The following ZNF774 variants were observed in gnomAD, a reference collection of about 807,000 sequenced individuals.
ZNF774 encodes the protein zinc finger protein 774.
Under a neutral mutation model 11.1 loss-of-function variants are expected in ZNF774, and 14 were observed. That is an observed-to-expected ratio of 1.26 (90% CI 0.83 to 1.97). ZNF774 has a LOEUF of 1.97. ZNF774 is among the 30% of genes most tolerant of loss of function. ZNF774 has a pLI of 0.00. For synonymous variants in ZNF774, 195 were observed against 212.6 expected (o/e 0.92, Z 0.72); for missense variants, 599 against 587.0 (o/e 1.02, Z -0.21).
chr15:90,354,607 G>C, intron 1 of ZNF774, 35 bp from the exon 2 acceptor site: 1 of 1,378,676 alleles, frequency 7.3e-7, no homozygotes, highest in Non-Finnish European at 1.0e-6. Flanking sequence ...AATATCTAGG[G>C]AGCTACTGAT....
Position 90,362,141 on chromosome 15 carries a change from A to G in ZNF774, c.*858A>G, listed in dbSNP as rs999625472. ...ACTAGAAGGTTTGGGGTTGGAATACACAAATTGAATAAAATGGAAATGCAC... is the reference window on the plus strand; with the variant it reads ...ACTAGAAGGTTTGGGGTTGGAATACGCAAATTGAATAAAATGGAAATGCAC... On this transcript the variant is annotated 3_prime_UTR_variant, in exon 4 of 4. Coordinates refer to ENST00000354377, the MANE Select transcript of ZNF774 (RefSeq NM_001004309.3). 1.8e-5 allele frequency: 3 copies of G among 165,032 alleles called. No homozygotes were observed. The highest frequency in any genetic ancestry group is 4.0e-5 in the Non-Finnish European group (3 of 75,296). The allele number at this position is 165,032 out of a possible 1,614,324, so 10.2% of individuals were successfully genotyped here. A position where few individuals can be genotyped will look rare whatever the true frequency, so the allele number is the denominator to read the frequency against.
rs1964325913 is a variant in ZNF774 at position 90,360,986 on chromosome 15, C to T, written c.1155C>T (p.Ala385=). The change falls in exon 4 of 4, where the codon GCC becomes GCT. Residue 385 remains alanine, a synonymous_variant. Transcript: ENST00000354377. ...GCGAAAACTGTGGGAAAGGATTCGCCGACAGCTCCGCCCTCATTAAGCACC... is the reference window on the plus strand; with the variant it reads ...GCGAAAACTGTGGGAAAGGATTCGCTGACAGCTCCGCCCTCATTAAGCACC... ...FKCENCGKGF[A]DSSALIKHQR... is the part of the protein sequence containing the mutation. The T allele has an allele frequency of 1.5e-5, 24 of 1,614,116 alleles. No individual in the cohort carries two copies. Among genetic ancestry groups the T allele is most frequent in the Non-Finnish European group, 1.9e-5 (22 of 1,180,016 alleles).
intron 2 of ZNF774, among the ~76,000 whole-genome samples, chr15:90,355,680 G>A (rs1396921947): frequency 5.5e-5 from 7 of 126,552 alleles, no homozygotes; most frequent in Admixed American, 9.5e-5. Context: ...CTGAGACCAC[G>A]CCATTGCACT....
Position 90,360,894 on chromosome 15 carries a change from A to C in ZNF774, c.1063A>C (p.Ser355Arg). Residue 355 changes from serine (S) to arginine (R), a missense_variant, in exon 4 of 4, where the codon AGC becomes CGC. By Grantham distance (110) the Ser-to-Arg change is moderately radical (BLOSUM62 -1). Coordinates refer to ENST00000354377, the MANE Select transcript of ZNF774 (RefSeq NM_001004309.3). ...TTTCAGTTGTCCTGACTGCCACAAA[A>C]GCTTCAGTCAGAGCTCACATTTGGT... is the stretch of plus-strand genomic sequence containing the variant. ...RPFSCPDCHK[S>R]FSQSSHLVTH... The C allele has an allele frequency of 1.2e-6, 2 of 1,614,168 alleles. No homozygotes were observed. The highest frequency in any genetic ancestry group is 2.2e-5 in the South Asian group (2 of 91,080).
At position 90,360,267 on chromosome 15, in the gene ZNF774, T is replaced by TA; in HGVS notation, c.437dup (p.Tyr146Ter). Residue 146 changes from tyrosine (Y) to a stop codon, truncating the protein, a stop_gained and frameshift_variant, in exon 4 of 4, where the codon TAT becomes TAAT. Transcript: ENST00000354377. LOFTEE classifies it low-confidence loss of function (END_TRUNC). ...ERDLNKLLDG[Y>*]VGEKPMCAEC... ...GGATTTAAACAAGCTCCTGGATGGATATGTAGGAGAGAAGCCTATGTGTGC... is the reference window on the plus strand; with the variant it reads ...GGATTTAAACAAGCTCCTGGATGGATAATGTAGGAGAGAAGCCTATGTGTGC... 6.2e-7 allele frequency: 1 copy of TA among 1,614,190 alleles called. No homozygotes were observed. The highest frequency in any genetic ancestry group is 8.5e-7 in the Non-Finnish European group (1 of 1,180,028).
At chr15:90,356,740 C>T (rs1269770459) in intron 2 of ZNF774, among the ~76,000 whole-genome samples, 1 of 152,130 alleles carries the variant, frequency 6.6e-6, no homozygotes, top group African/African-American at 2.4e-5. Context: ...CTTAAAATAA[C>T]CACCTAGTAT....
In ZNF774 at chr15:90,360,325, A is replaced by G. The variant is rs146322402; in HGVS notation, c.494A>G (p.Tyr165Cys). 12 of 1,614,086 alleles carry G rather than the reference A, an allele frequency of 7.4e-6. No homozygotes were observed. In the African/African-American group the frequency reaches 1.3e-4, roughly 18 times the overall value. Residue 165 changes from tyrosine to cysteine, a missense_variant, in exon 4 of 4, where the codon TAT becomes TGT. Transcript: ENST00000354377. Reference protein sequence around the residue: ...ECGKSFNQSSYLIRHLRTHTG... With the variant: ...ECGKSFNQSSCLIRHLRTHTG... ...GGGAAAAGCTTTAACCAGAGTTCCT[A>G]TCTCATAAGACACCTAAGAACCCAC...
At chr15:90,357,582 T>G (rs1283346791) in intron 2 of ZNF774, among the ~76,000 whole-genome samples, 2 of 152,202 alleles carry the variant, frequency 1.3e-5, no homozygotes, top group Admixed American at 1.3e-4. Flanking sequence ...TTATTGAAGT[T>G]TTTTTTGGAG....
At position 90,361,177 on chromosome 15, in the gene ZNF774, A is replaced by G. The variant is rs1245051237; in HGVS notation, c.1346A>G (p.His449Arg). The change falls in exon 4 of 4, where the codon CAC becomes CGC. Residue 449 changes from histidine to arginine, a missense_variant. His to Arg is a conservative substitution (Grantham distance 29). Coordinates refer to ENST00000354377, the MANE Select transcript of ZNF774 (RefSeq NM_001004309.3). Reference sequence around the variant, plus strand: ...AATCAGCGTTCCCATTTCCTCACACACCAGAGAACGCATACAGGAGAAAAA... The same window carrying G: ...AATCAGCGTTCCCATTTCCTCACACGCCAGAGAACGCATACAGGAGAAAAA... ...TFNQRSHFLT[H>R]QRTHTGEKPF... 1.2e-6 allele frequency: 2 copies of G among 1,614,016 alleles called. No homozygotes were observed. Among genetic ancestry groups the G allele is most frequent in the Non-Finnish European group, 1.7e-6 (2 of 1,180,026 alleles).
intron 2 of ZNF774, among the ~76,000 whole-genome samples, chr15:90,356,760 T>C (rs973651901): frequency 5.9e-5 from 9 of 152,240 alleles, no homozygotes; most frequent in African/African-American, 2.2e-4. Context: ...TTTTGTTTTA[T>C]GGAATACAAT....
intron 3 of ZNF774, 105 bp downstream of exon 3, chr15:90,359,062 T>A: frequency 1.3e-3 from 153 of 118,014 alleles, no homozygotes; most frequent in Middle Eastern, 5.5e-3. Flanking sequence ...CTAGCAGACA[T>A]TTTTTTTTTT....
intron 2 of ZNF774, 90 bp from the exon 3 acceptor site, chr15:90,358,761 C>A: frequency 2.0e-6 from 2 of 982,596 alleles, no homozygotes; most frequent in Admixed American, 2.1e-5. Flanking sequence ...AGGTGTTCTT[C>A]CATACCTAGG....
chr15:90,354,686 G>T lies in ZNF774; in HGVS notation c.26G>T (p.Ser9Ile), dbSNP rs1964219248. MWLGTSGK[S>I]GLPGHCLENP... is the part of the protein sequence containing the mutation. ...ATGTGGCTGGGGACTTCAGGGAAGAGTGGGTTACCTGGACACTGCTTAGAG... is the reference window on the plus strand; with the variant it reads ...ATGTGGCTGGGGACTTCAGGGAAGATTGGGTTACCTGGACACTGCTTAGAG... The change falls in exon 2 of 4, where the codon AGT becomes ATT. Residue 9 changes from serine to isoleucine, a missense_variant. Coordinates refer to ENST00000354377, the MANE Select transcript of ZNF774 (RefSeq NM_001004309.3). 6 of 1,611,232 alleles carry T rather than the reference G, an allele frequency of 3.7e-6. No homozygotes were observed. The African/African-American group carries it at 4.0e-5, about 11-fold the overall frequency.
intron 1 of ZNF774, among the ~76,000 whole-genome samples, chr15:90,353,971 G>A (rs967691635): frequency 3.9e-5 from 6 of 151,904 alleles, no homozygotes; most frequent in Non-Finnish European, 7.4e-5. Context: ...TATTGCTGTC[G>A]ATTTATTAAT....
In ZNF774 at chr15:90,361,469, A is replaced by G. The variant is rs1167415541; in HGVS notation, c.*186A>G. ...GGGTCCAAATAACGGTCCGAATACA[A>G]AAGGCATTCCTTCAGTGTGTGACTG... is the stretch of plus-strand genomic sequence containing the variant. On this transcript the variant is annotated 3_prime_UTR_variant, in exon 4 of 4. Coordinates refer to ENST00000354377, the MANE Select transcript of ZNF774 (RefSeq NM_001004309.3). 1 of 1,387,486 alleles carries G rather than the reference A, an allele frequency of 7.2e-7. No homozygotes were observed. The highest frequency in any genetic ancestry group is 9.3e-7 in the Non-Finnish European group (1 of 1,074,098). 85.9% of individuals were successfully genotyped at this position (1,387,486 alleles called of 1,614,324 possible).
chr15:90,362,448 C>T lies in ZNF774; in HGVS notation c.*1165C>T, dbSNP rs879020466. 8 of 1,135,960 alleles carry T rather than the reference C, an allele frequency of 7.0e-6. No individual in the cohort carries two copies. Among genetic ancestry groups the T allele is most frequent in the Middle Eastern group, 1.9e-4 (1 of 5,216 alleles). 70.4% of individuals were successfully genotyped at this position (1,135,960 alleles called of 1,614,324 possible). ...TGTCAAATGATATTACAGGGATCCT[C>T]CCTGGCATTTAGCTGAAGGAAGCAA... is the stretch of plus-strand genomic sequence containing the variant. On this transcript the variant is annotated 3_prime_UTR_variant, in exon 4 of 4. Transcript: ENST00000354377.
At position 90,360,572 on chromosome 15, in the gene ZNF774, GCCACACCTCATAATGCACCAAAGAAC is replaced by G. The variant is rs1447257525; in HGVS notation, c.748_773del (p.Leu250ArgfsTer36). The G allele has an allele frequency of 6.2e-7, 1 of 1,611,920 alleles. No homozygotes were observed. The highest frequency in any genetic ancestry group is 1.3e-5 in the African/African-American group (1 of 74,174). On this transcript the variant is annotated frameshift_variant, in exon 4 of 4. Coordinates refer to ENST00000354377, the MANE Select transcript of ZNF774 (RefSeq NM_001004309.3). LOFTEE classifies it low-confidence loss of function (END_TRUNC). The stretch of plus-strand genomic sequence containing the variant: ...AGTGTGGAAAGACTTTTGGGCGGAA[GCCACACCTCATAATGCACCAAAGAAC>G]CCACACAGGCGAGAAGCCCTACGCG...
At chr15:90,356,994 G>A (rs1028350235) in intron 2 of ZNF774, among the ~76,000 whole-genome samples, 14 of 150,166 alleles carry the variant, frequency 9.3e-5, no homozygotes, top group South Asian at 8.3e-4. Context: ...CTTTTAGCTC[G>A]TTTTTTAAAA....
At position 90,354,769 on chromosome 15, in the gene ZNF774, GA is replaced by G; in HGVS notation, c.104+7del. 1 of 1,595,888 alleles carries G rather than the reference GA, an allele frequency of 6.3e-7. No homozygotes were observed. The highest frequency in any genetic ancestry group is 8.6e-7 in the Non-Finnish European group (1 of 1,165,464). On this transcript the variant is annotated splice_donor_region_variant and intron_variant, in intron 2 of 3. Coordinates refer to ENST00000354377, the MANE Select transcript of ZNF774 (RefSeq NM_001004309.3). Reference sequence around the variant, plus strand: ...AGAAGAATGGGCTCTCAAAGGGTAAGAATGCTACTCTCCTTTATTTCATTTA... The same window carrying G: ...AGAAGAATGGGCTCTCAAAGGGTAAGATGCTACTCTCCTTTATTTCATTTA...
Sources: gnomAD v4.1 joint callset for allele counts (sites outside exome capture counted in the v4.1 genomes callset) on GRCh38, gnomAD v4.1.1 for gene constraint, MANE v1.5 for transcripts, NCBI Gene and HGNC (gene_info 2026-07-23, HGNC 2026-07-21) for gene names.